DENND2D: variants seen among roughly 807,000 people sequenced by gnomAD.
The protein encoded by DENND2D is DENN domain-containing protein 2D.
Under a neutral mutation model 59.8 loss-of-function variants are expected in DENND2D, and 37 were observed. The ratio of observed to expected loss-of-function variants is 0.62; its 90% CI spans 0.48 to 0.81. The LOEUF (loss-of-function observed/expected upper bound fraction) is 0.81. Ranked by LOEUF, DENND2D falls within the 40% of genes least tolerant of loss-of-function variation. The probability of loss-of-function intolerance (pLI) is 0.00; values close to 1 mark genes in which losing one functional copy is unlikely to be tolerated. For missense variants in DENND2D, 525 were observed against 579.7 expected, an observed-to-expected ratio of 0.91 and a Z score of 0.97; for synonymous variants, 219 against 211.3, an observed-to-expected ratio of 1.04 and a Z score of -0.31.
At position 111,199,645 on chromosome 1, in the gene DENND2D, A is replaced by G. The variant is rs777136259; in HGVS notation, c.221T>C (p.Ile74Thr). 2.5e-6 allele frequency: 4 copies of G among 1,613,876 alleles called. No homozygotes were observed. The East Asian group carries it at 6.7e-5, about 27-fold the overall frequency. Residue 74 changes from isoleucine to threonine, a missense_variant, in exon 2 of 12, where the codon ATA becomes ACA. By Grantham distance (89) the Ile-to-Thr change is moderately conservative. Around this residue, in one of 3 missense-constraint regions of DENND2D, gnomAD observed 253 missense variants for 246.4 expected, o/e 1.03. Coordinates refer to ENST00000357640, the MANE Select transcript of DENND2D (RefSeq NM_024901.5). ...TACCTTGGGAAATTGGTAGGTGATT[A>G]TAGGCTCGTAATCATCCTCTGAACG... The part of the protein sequence containing the change: ...KKRSEDDYEP[I>T]ITYQFPKREN...
chr1:111,198,840 C>A, intron 2 of DENND2D, 98 bp from the exon 3 acceptor site: 1 of 1,251,906 alleles, frequency 8.0e-7, no homozygotes, highest in South Asian at 1.3e-5. Context: ...GGCTCTAAAG[C>A]AGTCTAGGGT....
chr1:111,196,366 C>T (rs1658226762), intron 5 of DENND2D: 2 of 221,518 alleles, frequency 9.0e-6, no homozygotes, highest in Admixed American at 1.0e-4. Flanking sequence ...GGGAAGTCAT[C>T]CCGGAGTAAA....
At chr1:111,196,230 C>T in intron 5 of DENND2D, 174 bp from the exon 6 acceptor site, 1 of 693,588 alleles carries the variant, frequency 1.4e-6, no homozygotes, top group Non-Finnish European at 2.2e-6. Flanking sequence ...AGAGGCTGGG[C>T]TCATGCTAAA....
chr1:111,192,458 G>T, intron 7 of DENND2D, 141 bp from the exon 8 acceptor site: 1 of 870,978 alleles, frequency 1.1e-6, no homozygotes, highest in Admixed American at 3.5e-5. Context: ...GGCCATGCTG[G>T]TCACAGAGCT....
rs79886920 is a variant in DENND2D, at chr1:111,191,514, C to T, written c.972+626G>A. On this transcript the variant is annotated intron_variant, in intron 8 of 11. Transcript: ENST00000357640. ...TTTTCCAACAGCGGGGATAGATTTACGCTTTTAATGCCCATTTTCACAACT... is the reference window on the plus strand; with the variant it reads ...TTTTCCAACAGCGGGGATAGATTTATGCTTTTAATGCCCATTTTCACAACT... 7.3e-3 allele frequency among the ~76,000 whole-genome samples: 1,113 copies of T among 152,298 alleles called. 11 individuals carry two copies. Among genetic ancestry groups the T allele is most frequent in the African/African-American group, 0.026 (1,067 of 41,556 alleles).
At chr1:111,193,527 C>G (rs2101471021) in intron 7 of DENND2D, among the ~76,000 whole-genome samples, 1 of 152,318 alleles carries the variant, frequency 6.6e-6, no homozygotes, top group South Asian at 2.1e-4. Flanking sequence ...CAACTAGTTC[C>G]TCTTTGGTTA....
At chr1:111,194,184 G>T (rs1658012646) in intron 7 of DENND2D, among the ~76,000 whole-genome samples, 2 of 152,136 alleles carry the variant, frequency 1.3e-5, no homozygotes, top group African/African-American at 4.8e-5. Flanking sequence ...CCAATGCTTG[G>T]CATCTGGCAA....
At chr1:111,203,681 C>A (rs1033807306), upstream of DENND2D, among the ~76,000 whole-genome samples, 1 of 152,216 alleles carries the variant, frequency 6.6e-6, no homozygotes, top group Non-Finnish European at 1.5e-5. Flanking sequence ...GGAAGGGGTG[C>A]CCTGTCTGGG....
At chr1:111,188,645 T>C in intron 10 of DENND2D, 57 bp downstream of exon 10, 15 of 1,472,274 alleles carry the variant, frequency 1.0e-5, no homozygotes, top group South Asian at 4.6e-5. Flanking sequence ...AAGGGAATGA[T>C]TGAGAAGCAT....
At chr1:111,191,500 C>T (rs2494015) in intron 8 of DENND2D, among the ~76,000 whole-genome samples, 104,308 of 152,008 alleles carry the variant, frequency 0.69, 35,986 homozygotes, top group South Asian at 0.8. Context: ...TTTCCAACAG[C>T]GGGGATAGAT....
intron 10 of DENND2D, 85 bp from the exon 11 acceptor site, chr1:111,188,455 G>A: frequency 6.4e-7 from 1 of 1,556,008 alleles, no homozygotes; most frequent in East Asian, 2.2e-5. Flanking sequence ...TTTCTTGCAG[G>A]CGGAAAGCTC....
intron 5 of DENND2D, 27 bp downstream of exon 5, chr1:111,197,149 G>A: frequency 6.2e-7 from 1 of 1,604,694 alleles, no homozygotes; most frequent in Non-Finnish European, 8.5e-7. Flanking sequence ...TGGAATATGG[G>A]CAGGCCCTGA....
In DENND2D at chr1:111,199,927, C is replaced by G. The variant is rs189818760; in HGVS notation, c.68-129G>C. 57 of 1,178,336 alleles carry G rather than the reference C, an allele frequency of 4.8e-5. No individual in the cohort carries two copies. The East Asian group carries it at 8.9e-4, about 18-fold the overall frequency. 73.0% of individuals were successfully genotyped at this position (1,178,336 alleles called of 1,614,324 possible). A position where few individuals can be genotyped will look rare whatever the true frequency, so the allele number is the denominator to read the frequency against. ...AATGCTGAGATACCTGGATACTGGCCAGAACCACCAGTCACTCAGGATCAG... is the reference window on the plus strand; with the variant it reads ...AATGCTGAGATACCTGGATACTGGCGAGAACCACCAGTCACTCAGGATCAG... On this transcript the variant is annotated intron_variant, in intron 1 of 11. Coordinates refer to ENST00000357640, the MANE Select transcript of DENND2D (RefSeq NM_024901.5).
rs573965155 is a variant in DENND2D at position 111,195,472 on chromosome 1, T to G, written c.645+444A>C. 7.9e-4 allele frequency: 139 copies of G among 176,024 alleles called. 1 individual carries two copies. Among genetic ancestry groups the G allele is most frequent in the Middle Eastern group, 2.7e-3 (1 of 366 alleles). 10.9% of individuals were successfully genotyped at this position (176,024 alleles called of 1,614,324 possible). ...TGTTCTACCTGCTGCCTCAGTGTGC[T>G]TGGTGCCTTAAAACGATAGCATTCC... On this transcript the variant is annotated intron_variant, in intron 6 of 11. Coordinates refer to ENST00000357640, the MANE Select transcript of DENND2D (RefSeq NM_024901.5).
rs755456471 is a variant in DENND2D at position 111,198,492 on chromosome 1, T to A, written c.356+138A>T. On this transcript the variant is annotated intron_variant, in intron 3 of 11. Coordinates refer to ENST00000357640, the MANE Select transcript of DENND2D (RefSeq NM_024901.5). ...TGGCCTTGAGGGACCCCAGGCCAGA[T>A]GTTTTCAAACAAATCAATTACACTC... 7 of 792,984 alleles carry A rather than the reference T, an allele frequency of 8.8e-6. No individual in the cohort carries two copies. The Admixed American group carries it at 9.2e-5, about 10-fold the overall frequency. 49.1% of individuals were successfully genotyped at this position (792,984 alleles called of 1,614,324 possible).
intron 8 of DENND2D, 59 bp from the exon 9 acceptor site, chr1:111,189,312 T>C (rs1657512319): frequency 5.7e-6 from 9 of 1,589,446 alleles, no homozygotes; most frequent in African/African-American, 1.3e-5. Context: ...CCCCAGAGGA[T>C]TTACCGTCTT....
intron 6 of DENND2D, 66 bp downstream of exon 6, chr1:111,195,850 G>A: frequency 6.2e-7 from 1 of 1,605,010 alleles, no homozygotes; most frequent in East Asian, 2.2e-5. Context: ...AAGAACAGTG[G>A]TGAGAGGTGC....
Position 111,186,128 on chromosome 1 carries a change from C to A in DENND2D, c.*1477G>T, listed in dbSNP as rs1391504737. Among the ~76,000 whole-genome samples the A allele has an allele frequency of 6.6e-6, 1 of 152,166 alleles. No individual in the cohort carries two copies. The highest frequency in any genetic ancestry group is 1.5e-5 in the Non-Finnish European group (1 of 68,036). ...TTGTAATAAACCTCAGCAAACCTTA[C>A]CTGAAGAACCTTTTAAGAAAGTACA... On this transcript the variant is annotated 3_prime_UTR_variant, in exon 12 of 12. Coordinates refer to ENST00000357640, the MANE Select transcript of DENND2D (RefSeq NM_024901.5).
At position 111,188,706 on chromosome 1, in the gene DENND2D, T is replaced by A; in HGVS notation, c.1095A>T (p.Leu365Phe). 6.2e-7 allele frequency: 1 copy of A among 1,613,640 alleles called. No individual in the cohort carries two copies. ...LDSLGQGINE[L>F]KTAEQINEHV... ...AAAATAAGAGTAAGGACTTACTCTT[T>A]AACTCATTGATCCCCTGACCAAGAG... The change falls in exon 10 of 12, where the codon TTA becomes TTT. Residue 365 changes from leucine (L) to phenylalanine (F), a missense_variant. Around this residue, in one of 3 missense-constraint regions of DENND2D, gnomAD observed 225 missense variants for 252.4 expected, o/e 0.89. Coordinates refer to ENST00000357640, the MANE Select transcript of DENND2D (RefSeq NM_024901.5).
Sources: allele counts gnomAD v4.1 joint callset (sites outside exome capture counted in the v4.1 genomes callset), GRCh38; gene constraint gnomAD v4.1.1; regional missense constraint gnomAD v4.1.1; transcripts MANE v1.5; gene names NCBI Gene and HGNC (gene_info 2026-07-23, HGNC 2026-07-21).